Variants in AKTIP observed in about 807,000 individuals in gnomAD.
AKTIP encodes the protein AKT interacting protein.
In AKTIP, 16 loss-of-function variants were observed where a neutral mutation model predicts 39.1. The observed-to-expected ratio is 0.41, with a 90% CI of 0.28 to 0.62. AKTIP has a LOEUF of 0.62. AKTIP is among the 20% of genes least tolerant of loss of function. AKTIP has a pLI of 0.32. For synonymous variants in AKTIP, 93 were observed against 124.3 expected (o/e 0.75, Z 1.67); for missense variants, 262 against 356.6 (o/e 0.73, Z 2.14).
intron 2 of AKTIP, among the ~76,000 whole-genome samples, chr16:53,499,765 TTTA>T (rs1385790118): frequency 6.6e-6 from 1 of 152,160 alleles, no homozygotes; most frequent in Non-Finnish European, 1.5e-5. Flanking sequence ...CCAGCTGGTT[TTTA>T]TTTTCTTATT....
At position 53,494,443 on chromosome 16, in the gene AKTIP, G is replaced by A. The variant is rs1484856292; in HGVS notation, c.504-6C>T. The A allele has an allele frequency of 1.9e-6, 3 of 1,613,942 alleles. No homozygotes were observed. Among genetic ancestry groups the A allele is most frequent in the East Asian group, 2.2e-5 (1 of 44,878 alleles). On this transcript the variant is annotated splice_region_variant and splice_polypyrimidine_tract_variant and intron_variant, in intron 6 of 9. Transcript: ENST00000394657. ...AAATATGATTATGGTTCCGCCTAAAGGGAAACATGGCGTGATTACCGAGGC... is the reference window on the plus strand; with the variant it reads ...AAATATGATTATGGTTCCGCCTAAAAGGAAACATGGCGTGATTACCGAGGC...
At chr16:53,494,794 G>T in intron 5 of AKTIP, 189 bp from the exon 6 acceptor site, 1 of 706,342 alleles carries the variant, frequency 1.4e-6, no homozygotes, top group Non-Finnish European at 2.4e-6. Flanking sequence ...AATGAAGCGG[G>T]GAAAACTCCC....
At position 53,494,244 on chromosome 16, in the gene AKTIP, A is replaced by G; in HGVS notation, c.604T>C (p.Tyr202His). The change falls in exon 8 of 10, where the codon TAT becomes CAT. Residue 202 changes from tyrosine to histidine, a missense_variant and splice_region_variant. This residue lies in a region of AKTIP where 145 missense variants were observed against 159.3 expected (regional missense o/e 0.91). Coordinates refer to ENST00000394657, the MANE Select transcript of AKTIP (RefSeq NM_022476.4). ...SPLNPEAAVL[Y>H]EKDIQLFKSK... ...TTAAAAAGCTGAATATCTTTTTCAT[A>G]CCTGTGTTAAAAGTTTAAGTCAAAA... 1.3e-5 allele frequency: 21 copies of G among 1,613,850 alleles called. No individual in the cohort carries two copies. The highest frequency in any genetic ancestry group is 1.8e-5 in the Non-Finnish European group (21 of 1,179,748).
At position 53,492,215 on chromosome 16, in the gene AKTIP, A is replaced by G. The variant is rs780647131; in HGVS notation, c.*197T>C. 2.5e-5 allele frequency: 14 copies of G among 557,488 alleles called. No individual in the cohort carries two copies. Among genetic ancestry groups the G allele is most frequent in the African/African-American group, 5.6e-5 (3 of 53,108 alleles). The allele number at this position is 557,488 out of a possible 1,614,324, so 34.5% of individuals were successfully genotyped here. A position where few individuals can be genotyped will look rare whatever the true frequency, so the allele number is the denominator to read the frequency against. On this transcript the variant is annotated 3_prime_UTR_variant, in exon 10 of 10. Transcript: ENST00000394657. Reference sequence around the variant, plus strand: ...CTGAACTAGATAACCACCCTAAGACACTTCTGACAGAAGTAATGCATTACT... The same window carrying G: ...CTGAACTAGATAACCACCCTAAGACGCTTCTGACAGAAGTAATGCATTACT...
chr16:53,495,023 A>AGC (rs775704457), intron 5 of AKTIP, 50 bp downstream of exon 5: 5 of 1,507,262 alleles, frequency 3.3e-6, no homozygotes, highest in Non-Finnish European at 3.7e-6. Flanking sequence ...AAGCCCTTTC[A>AGC]GCCCTTCTCG....
Position 53,491,258 on chromosome 16 carries a change from G to GTGA in AKTIP, c.*1151_*1153dup, listed in dbSNP as rs946099053. 3 of 152,040 alleles carry GTGA rather than the reference G, an allele frequency of 2.0e-5. No homozygotes were observed. Among genetic ancestry groups the GTGA allele is most frequent in the African/African-American group, 7.2e-5 (3 of 41,404 alleles). The allele number at this position is 152,040 out of a possible 1,614,324, so 9.4% of individuals were successfully genotyped here. ...TTATCTAAAAGAAATGTCTATTAAG[G>GTGA]TGATATATTTAAAAATATTTTTGGG... On this transcript the variant is annotated 3_prime_UTR_variant, in exon 10 of 10. Transcript: ENST00000394657.
At chr16:53,494,644 G>A (rs1250969353) in intron 5 of AKTIP, 39 bp from the exon 6 acceptor site, 1 of 1,583,558 alleles carries the variant, frequency 6.3e-7, no homozygotes, top group Admixed American at 1.7e-5. Flanking sequence ...TTTAATGGAA[G>A]CAGTGGCGCT....
Position 53,492,426 on chromosome 16 carries a change from T to C in AKTIP, c.865A>G (p.Thr289Ala), listed in dbSNP as rs568156696. 1 of 1,612,430 alleles carries C rather than the reference T, an allele frequency of 6.2e-7. No homozygotes were observed. Among genetic ancestry groups the C allele is most frequent in the South Asian group, 1.1e-5 (1 of 91,012 alleles). Reference sequence around the variant, plus strand: ...TTCACCATCTCTTAAGTCGCCACTGTTTTCTCTTCTTTACTGAAAGGCTGT... The same window carrying C: ...TTCACCATCTCTTAAGTCGCCACTGCTTTCTCTTCTTTACTGAAAGGCTGT... ...SVQPFSKEEK[T>A]VAT The change falls in exon 10 of 10, where the codon ACA becomes GCA. Residue 289 changes from threonine to alanine, a missense_variant. Thr to Ala is a moderately conservative substitution (Grantham distance 58). This residue lies in a region of AKTIP where 145 missense variants were observed against 159.3 expected (regional missense o/e 0.91). Transcript: ENST00000394657.
chr16:53,501,560 C>T (rs1482143338), intron 1 of AKTIP: 1 of 152,202 alleles, frequency 6.6e-6, no homozygotes, highest in East Asian at 1.9e-4. Context: ...CTACTTGCAC[C>T]AATCAAACGG....
At chr16:53,495,709 G>C (rs1961790858) in intron 3 of AKTIP, among the ~76,000 whole-genome samples, 1 of 152,252 alleles carries the variant, frequency 6.6e-6, no homozygotes, top group South Asian at 2.1e-4. Context: ...GTTCTGTACA[G>C]CTGAGGTCAA....
chr16:53,500,179 C>T, intron 2 of AKTIP, 39 bp downstream of exon 2: 1 of 1,504,048 alleles, frequency 6.6e-7, no homozygotes, highest in Non-Finnish European at 9.2e-7. Context: ...GACACAGAAG[C>T]AAATGGGTTT....
chr16:53,494,117 C>G, intron 8 of AKTIP, 21 bp downstream of exon 8: 1 of 1,569,798 alleles, frequency 6.4e-7, no homozygotes, highest in Non-Finnish European at 8.8e-7. Context: ...GGACAGTTCA[C>G]TTGGGGGATG....
intron 3 of AKTIP, among the ~76,000 whole-genome samples, chr16:53,496,985 G>A (rs891736346): frequency 6.6e-6 from 1 of 151,960 alleles, no homozygotes; most frequent in Admixed American, 6.6e-5. Flanking sequence ...TTTTTTTAGA[G>A]ACGGGGTCAC....
At position 53,494,608 on chromosome 16, in the gene AKTIP, G is replaced by C; in HGVS notation, c.415-3C>G. On this transcript the variant is annotated splice_region_variant and splice_polypyrimidine_tract_variant and intron_variant, in intron 5 of 9. Transcript: ENST00000394657. ...ACAGGAATATCGAACACCAAGCGCT[G>C]TATTTAAATAAAGAGAGACATGTCC... 1 of 1,613,516 alleles carries C rather than the reference G, an allele frequency of 6.2e-7. No homozygotes were observed. Among genetic ancestry groups the C allele is most frequent in the Non-Finnish European group, 8.5e-7 (1 of 1,179,596 alleles).
At chr16:53,499,208 T>C (rs535402712) in intron 2 of AKTIP, among the ~76,000 whole-genome samples, 3 of 152,346 alleles carry the variant, frequency 2.0e-5, no homozygotes, top group Non-Finnish European at 4.4e-5. Context: ...TACCATCTCA[T>C]AGGTACTTCC....
chr16:53,503,478 G>T (rs1321165746), upstream of AKTIP, among the ~76,000 whole-genome samples: 2 of 152,224 alleles, frequency 1.3e-5, no homozygotes, highest in African/African-American at 4.8e-5. Flanking sequence ...TTACGTAACA[G>T]CGCCTGGGAC....
rs1961483521 is a variant in AKTIP at position 53,491,767 on chromosome 16, G to C, written c.*645C>G. 6.6e-6 allele frequency: 1 copy of C among 152,396 alleles called. No individual in the cohort carries two copies. The highest frequency in any genetic ancestry group is 6.6e-5 in the Admixed American group (1 of 15,264). The allele number at this position is 152,396 out of a possible 1,614,324, so 9.4% of individuals were successfully genotyped here. On this transcript the variant is annotated 3_prime_UTR_variant, in exon 10 of 10. Transcript: ENST00000394657. ...TTAGTCATTTATCATTTAAATACCG[G>C]ACTTCATTAGAAACCGTTGTAACAC...
Position 53,492,291 on chromosome 16 carries a change from A to C in AKTIP, c.*121T>G. 1 of 833,162 alleles carries C rather than the reference A, an allele frequency of 1.2e-6. No individual in the cohort carries two copies. The highest frequency in any genetic ancestry group is 1.9e-6 in the Non-Finnish European group (1 of 520,520). 51.6% of individuals were successfully genotyped at this position (833,162 alleles called of 1,614,324 possible). ...GTTAGAACCTATGCATACATGGAAA[A>C]CACTGGCAGTCAGTCATTGTTCACA... On this transcript the variant is annotated 3_prime_UTR_variant, in exon 10 of 10. Coordinates refer to ENST00000394657, the MANE Select transcript of AKTIP (RefSeq NM_022476.4).
At chr16:53,497,636 C>G (rs2150862126) in intron 3 of AKTIP, among the ~76,000 whole-genome samples, 1 of 152,336 alleles carries the variant, frequency 6.6e-6, no homozygotes, top group East Asian at 1.9e-4. Context: ...CCAGATGGGT[C>G]TGACCCAAGA....
Sources: gnomAD v4.1 joint callset for allele counts (sites outside exome capture counted in the v4.1 genomes callset) on GRCh38, gnomAD v4.1.1 for gene constraint, gnomAD v4.1.1 regional missense constraint, MANE v1.5 for transcripts, NCBI Gene and HGNC (gene_info 2026-07-23, HGNC 2026-07-21) for gene names.